Variants in RPS6KA3 observed in about 807,000 individuals in gnomAD.
RPS6KA3 encodes the protein ribosomal protein S6 kinase alpha-3.
RPS6KA3 carries 4 observed loss-of-function variants against 67.2 expected under a neutral mutation model. The observed-to-expected ratio is 0.06, with a 90% CI of 0.03 to 0.14. The LOEUF is 0.14. Among genes scored for constraint, RPS6KA3 ranks in the 10% least tolerant of loss-of-function variants. The pLI, the probability that RPS6KA3 is intolerant of heterozygous loss-of-function variation, is 1.00. For synonymous variants in RPS6KA3, 182 were observed against 183.7 expected, an observed-to-expected ratio of 0.99 and a Z score of 0.07; for missense variants, 204 against 559.0, an observed-to-expected ratio of 0.36 and a Z score of 6.40.
rs375498244 is a variant in RPS6KA3 at position 20,169,508 on chromosome X, T to G, written c.1354-17A>C. On this transcript the variant is annotated splice_polypyrimidine_tract_variant and intron_variant, in intron 15 of 21. Transcript: ENST00000379565. The stretch of plus-strand genomic sequence containing the variant: ...ATCAATAATCTAAAAGGCAAATGTT[T>G]ATCACAAAACCTCATCAACTATACA... 1.0e-5 allele frequency: 10 copies of G among 992,486 alleles called. No homozygotes were observed. In the African/African-American group the frequency reaches 1.9e-4, roughly 19 times the overall value. The allele number at this position is 992,486 out of a possible 1,213,427, so 81.8% of individuals were successfully genotyped here.
chrX:20,266,734 C>T lies in RPS6KA3; in HGVS notation c.-102G>A. On this transcript the variant is annotated 5_prime_UTR_variant, in exon 1 of 22. Transcript: ENST00000379565. Reference sequence around the variant, plus strand: ...CCGAGCCCCACGGCAGCGGCGGCGGCGGCGGCGGCGGCGGCAGCGGCAGCG... The same window carrying T: ...CCGAGCCCCACGGCAGCGGCGGCGGTGGCGGCGGCGGCGGCAGCGGCAGCG... The T allele has an allele frequency of 3.2e-6, 1 of 312,049 alleles. No homozygotes were observed. Among genetic ancestry groups the T allele is most frequent in the South Asian group, 1.9e-4 (1 of 5,366 alleles). 25.7% of individuals were successfully genotyped at this position (312,049 alleles called of 1,213,427 possible). A position where few individuals can be genotyped will look rare whatever the true frequency, so the allele number is the denominator to read the frequency against.
At chrX:20,253,800 A>G (rs377430659) in intron 1 of RPS6KA3, among the ~76,000 whole-genome samples, 3 of 111,282 alleles carry the variant, frequency 2.7e-5, no homozygotes, top group East Asian at 5.6e-4. Context: ...TCATGCTATT[A>G]AACTTCCTGC....
chrX:20,196,565 A>C (rs2068278370), intron 4 of RPS6KA3, among the ~76,000 whole-genome samples: 1 of 111,936 alleles, frequency 8.9e-6, no homozygotes. Flanking sequence ...GTGACTGCAG[A>C]TATTTAAAAT....
chrX:20,226,971 A>G (rs1569251692), intron 2 of RPS6KA3, among the ~76,000 whole-genome samples: 1 of 112,165 alleles, frequency 8.9e-6, no homozygotes, highest in African/African-American at 3.2e-5. Context: ...TACTTTAGTT[A>G]CATCTCTTGT....
chrX:20,188,111 T>C (rs2068031970), intron 8 of RPS6KA3, 141 bp from the exon 9 acceptor site: 1 of 567,581 alleles, frequency 1.8e-6, no homozygotes, highest in East Asian at 3.6e-5. Context: ...TCTCGCTCTG[T>C]CACCCAGGCT....
chrX:20,220,749 C>T (rs998276347), intron 2 of RPS6KA3, among the ~76,000 whole-genome samples: 2 of 111,427 alleles, frequency 1.8e-5, no homozygotes, highest in Admixed American at 1.9e-4. Context: ...ATATTTCAGA[C>T]ACCAAAATCT....
Position 20,181,648 on chromosome X carries a change from A to G in RPS6KA3, c.846-4564T>C, listed in dbSNP as rs986144179. Among the ~76,000 whole-genome samples, 32 of 112,091 alleles carry G rather than the reference A, an allele frequency of 2.9e-4. 1 individual carries two copies. The highest frequency in any genetic ancestry group is 9.6e-5 in the Admixed American group (1 of 10,442). ...TTAATACTACATCTCAAGTATGAGT[A>G]GCAAGAACTGAAACATCTGTTAAAT... On this transcript the variant is annotated intron_variant, in intron 10 of 21. Coordinates refer to ENST00000379565, the MANE Select transcript of RPS6KA3 (RefSeq NM_004586.3).
chrX:20,160,112 T>C (rs1323862053), intron 20 of RPS6KA3, among the ~76,000 whole-genome samples: 1 of 112,269 alleles, frequency 8.9e-6, no homozygotes, highest in Admixed American at 9.5e-5. Flanking sequence ...CTTCACCGCT[T>C]CTGGAAAGCT....
intron 2 of RPS6KA3, chrX:20,218,658 C>T (rs1322838780): frequency 2.2e-6 from 1 of 447,946 alleles, no homozygotes; most frequent in Non-Finnish European, 3.9e-6. Flanking sequence ...AGCTATTATC[C>T]TTTAAAAGTT....
intron 17 of RPS6KA3, among the ~76,000 whole-genome samples, chrX:20,167,178 G>A (rs182782724): frequency 2.7e-5 from 3 of 111,963 alleles, no homozygotes; most frequent in East Asian, 5.6e-4. Flanking sequence ...CAAGAAGAAC[G>A]AAGAGCATAT....
intron 1 of RPS6KA3, among the ~76,000 whole-genome samples, chrX:20,238,020 C>T (rs1476383090): frequency 1.8e-5 from 2 of 111,371 alleles, no homozygotes; most frequent in Non-Finnish European, 3.8e-5. Context: ...ACTAACTTGC[C>T]TGTACTCTAT....
intron 7 of RPS6KA3, among the ~76,000 whole-genome samples, chrX:20,191,833 C>G (rs2068138926): frequency 9.0e-6 from 1 of 110,711 alleles, no homozygotes; most frequent in Non-Finnish European, 1.9e-5. Context: ...ATGGCGCGAT[C>G]TCAGCTCACT....
intron 2 of RPS6KA3, among the ~76,000 whole-genome samples, chrX:20,213,653 C>A (rs1232054691): frequency 9.1e-6 from 1 of 109,875 alleles, no homozygotes; most frequent in Non-Finnish European, 1.9e-5. Context: ...CACATGTATA[C>A]ATATGTAACA....
chrX:20,164,386 G>GTTT (rs397977193), intron 18 of RPS6KA3, among the ~76,000 whole-genome samples: 3 of 84,631 alleles, frequency 3.5e-5, no homozygotes, highest in Non-Finnish European at 7.1e-5. Context: ...CTGAAGGGTT[G>GTTT]TTTTTTTTTT....
chrX:20,247,568 C>T (rs1226015120), intron 1 of RPS6KA3, among the ~76,000 whole-genome samples: 1 of 110,825 alleles, frequency 9.0e-6, no homozygotes, highest in East Asian at 2.8e-4. Context: ...GGGTGGATCA[C>T]GAGGTCAGGA....
intron 1 of RPS6KA3, among the ~76,000 whole-genome samples, chrX:20,239,562 T>C (rs966201123): frequency 8.9e-6 from 1 of 111,863 alleles, no homozygotes; most frequent in Non-Finnish European, 1.9e-5. Context: ...TGGCAGATTG[T>C]ATATATGCAA....
At chrX:20,196,527 GTTGAGTTGGTTTTA>G (rs1267988200) in intron 4 of RPS6KA3, among the ~76,000 whole-genome samples, 2 of 112,128 alleles carry the variant, frequency 1.8e-5, no homozygotes, top group Non-Finnish European at 3.8e-5. Flanking sequence ...GAGGGAGAAA[GTTGAGTTGGTTTTA>G]TTTTCAGTTT....
intron 5 of RPS6KA3, 128 bp downstream of exon 5, chrX:20,194,937 G>T (rs899216294): frequency 8.2e-5 from 30 of 364,689 alleles, no homozygotes; most frequent in African/African-American, 4.3e-4. Flanking sequence ...TAATTTTCAT[G>T]ACTTATTACT....
chrX:20,240,262 T>A (rs1369436388), intron 1 of RPS6KA3, among the ~76,000 whole-genome samples: 2 of 103,234 alleles, frequency 1.9e-5, no homozygotes, highest in Admixed American at 2.1e-4. Flanking sequence ...AGACCCAGGC[T>A]GTAGGAATGA....
Sources: gnomAD v4.1 joint callset for allele counts (sites outside exome capture counted in the v4.1 genomes callset) on GRCh38, gnomAD v4.1.1 for gene constraint, MANE v1.5 for transcripts, NCBI Gene and HGNC (gene_info 2026-07-23, HGNC 2026-07-21) for gene names.